The following SGCZ variants were observed in gnomAD, a reference collection of about 807,000 sequenced individuals.
SGCZ encodes the protein sarcoglycan zeta.
Under a neutral mutation model 41.3 loss-of-function variants are expected in SGCZ, and 40 were observed. The ratio of observed to expected loss-of-function variants is 0.97; its 90% CI spans 0.75 to 1.26. The LOEUF (loss-of-function observed/expected upper bound fraction) is 1.26. Ranked by LOEUF, SGCZ falls within the 50% of genes most tolerant of loss-of-function variation. The pLI, the probability that SGCZ is intolerant of heterozygous loss-of-function variation, is 0.00. For missense variants in SGCZ, 552 were observed against 369.8 expected (o/e 1.49, Z -4.04); for synonymous variants, 206 against 137.5 (o/e 1.50, Z -3.49).
At chr8:14,480,038 C>A (rs1394452675) in intron 2 of SGCZ, among the ~76,000 whole-genome samples, 3 of 152,240 alleles carry the variant, frequency 2.0e-5, no homozygotes, top group Non-Finnish European at 4.4e-5. Context: ...AGCCACGCGA[C>A]TGGCCAGCCA....
chr8:14,366,292 G>C lies in SGCZ; in HGVS notation c.235-42088C>G, dbSNP rs556841199. On this transcript the variant is annotated intron_variant, in intron 2 of 7. Transcript: ENST00000382080. ...ACTTACAATCAGAGCAGAAGGTGAA[G>C]CAGGAGCAAAGGCCCATCATACATG... Among the ~76,000 whole-genome samples, 21 of 152,256 alleles carry C rather than the reference G, an allele frequency of 1.4e-4. No individual in the cohort carries two copies. In the South Asian group the frequency reaches 4.4e-3, roughly 32 times the overall value.
chr8:14,397,198 A>T (rs1347939043), intron 2 of SGCZ, among the ~76,000 whole-genome samples: 1 of 152,108 alleles, frequency 6.6e-6, no homozygotes, highest in Non-Finnish European at 1.5e-5. Context: ...TTTATTCCTT[A>T]TTCTCTATTG....
chr8:14,649,055 C>A (rs567443171), intron 1 of SGCZ, among the ~76,000 whole-genome samples: 58 of 152,210 alleles, frequency 3.8e-4, no homozygotes, highest in Middle Eastern at 3.4e-3. Context: ...TCACGTGTTA[C>A]ATAAATCCTT....
rs182835667 is a variant in SGCZ at position 15,133,343 on chromosome 8, G to A, written c.39+104242C>T. Among the ~76,000 whole-genome samples, 21 of 152,182 alleles carry A rather than the reference G, an allele frequency of 1.4e-4. 1 individual carries two copies. The highest frequency in any genetic ancestry group is 7.4e-5 in the Non-Finnish European group (5 of 68,000). On this transcript the variant is annotated intron_variant, in intron 1 of 7. Coordinates refer to ENST00000382080, the MANE Select transcript of SGCZ (RefSeq NM_139167.4). ...TGTAAGTCAGTACTTGTTTTCATAA[G>A]TCCAAAAACTGCCCTCAAACATCAG...
chr8:15,205,464 A>C (rs1339805068), intron 1 of SGCZ, among the ~76,000 whole-genome samples: 1 of 152,198 alleles, frequency 6.6e-6, no homozygotes, highest in Non-Finnish European at 1.5e-5. Flanking sequence ...ACACCTACCA[A>C]AGGAAAACAT....
At chr8:14,481,191 A>G (rs1212910763) in intron 2 of SGCZ, among the ~76,000 whole-genome samples, 1 of 152,238 alleles carries the variant, frequency 6.6e-6, no homozygotes. Context: ...GTTAATTAAT[A>G]TATGATGCTT....
intron 1 of SGCZ, among the ~76,000 whole-genome samples, chr8:14,689,008 TA>T (rs900317555): frequency 3.9e-5 from 6 of 152,038 alleles, no homozygotes; most frequent in African/African-American, 1.2e-4. Context: ...AAAATATATT[TA>T]AAAAAAATTT....
At chr8:15,005,528 T>A (rs1308233646) in intron 1 of SGCZ, among the ~76,000 whole-genome samples, 1 of 150,726 alleles carries the variant, frequency 6.6e-6, no homozygotes, top group Non-Finnish European at 1.5e-5. Flanking sequence ...ATGGTGTTTC[T>A]CCATGTTCGT....
At chr8:14,386,175 G>A (rs940696608) in intron 2 of SGCZ, among the ~76,000 whole-genome samples, 12 of 152,054 alleles carry the variant, frequency 7.9e-5, no homozygotes, top group Admixed American at 7.9e-4. Flanking sequence ...TCAGGAAAGT[G>A]AAGGGAGAAC....
At chr8:14,915,473 C>G (rs1799405648) in intron 1 of SGCZ, among the ~76,000 whole-genome samples, 1 of 152,082 alleles carries the variant, frequency 6.6e-6, no homozygotes, top group Non-Finnish European at 1.5e-5. Flanking sequence ...AGCAAGCTCT[C>G]AGCTTGCACG....
At chr8:14,653,681 C>G (rs902658557) in intron 1 of SGCZ, among the ~76,000 whole-genome samples, 1 of 152,030 alleles carries the variant, frequency 6.6e-6, no homozygotes, top group African/African-American at 2.4e-5. Context: ...TTTCTCATTC[C>G]TGTCCCTGAA....
At chr8:14,811,806 T>C (rs777532844) in intron 1 of SGCZ, among the ~76,000 whole-genome samples, 11 of 152,032 alleles carry the variant, frequency 7.2e-5, no homozygotes, top group Non-Finnish European at 1.5e-4. Flanking sequence ...GCTATTCCAA[T>C]TCCCTTTCAG....
At chr8:14,245,672 G>C in intron 3 of SGCZ, among the ~76,000 whole-genome samples, 1 of 151,752 alleles carries the variant, frequency 6.6e-6, no homozygotes, top group Non-Finnish European at 1.5e-5. Context: ...CACAAAACGG[G>C]AGAAAATTTT....
intron 1 of SGCZ, among the ~76,000 whole-genome samples, chr8:14,796,793 C>A (rs1801146054): frequency 2.0e-5 from 3 of 152,210 alleles, no homozygotes; most frequent in African/African-American, 7.2e-5. Context: ...TGGTAGGGAC[C>A]ATGTGGGAGG....
chr8:14,553,288 C>T (rs1297092552), intron 2 of SGCZ, among the ~76,000 whole-genome samples: 3 of 151,988 alleles, frequency 2.0e-5, no homozygotes, highest in Non-Finnish European at 2.9e-5. Flanking sequence ...GATTCAGATG[C>T]ATTCCCAGAG....
At chr8:14,209,069 T>C (rs1156961820) in intron 4 of SGCZ, among the ~76,000 whole-genome samples, 3 of 152,192 alleles carry the variant, frequency 2.0e-5, no homozygotes, top group Non-Finnish European at 4.4e-5. Context: ...CGCCTCCATG[T>C]TCCCATCTCT....
chr8:15,201,629 A>C (rs12678763), intron 1 of SGCZ, among the ~76,000 whole-genome samples: 30,399 of 152,116 alleles, frequency 0.2, 3,544 homozygotes, highest in East Asian at 0.44. Flanking sequence ...GGTACCATTC[A>C]ATGGCTTGTG....
At chr8:14,202,615 C>T (rs1031492544) in intron 4 of SGCZ, among the ~76,000 whole-genome samples, 2 of 151,980 alleles carry the variant, frequency 1.3e-5, no homozygotes, top group African/African-American at 4.8e-5. Flanking sequence ...AGAATAAATG[C>T]AAATATTTGA....
chr8:14,717,518 G>T (rs563288365), intron 1 of SGCZ, among the ~76,000 whole-genome samples: 2 of 152,080 alleles, frequency 1.3e-5, no homozygotes, highest in African/African-American at 4.8e-5. Context: ...GTGACTCAAG[G>T]AGAGGAGAGT....
Sources: gnomAD v4.1 joint callset for allele counts (sites outside exome capture counted in the v4.1 genomes callset) on GRCh38, gnomAD v4.1.1 for gene constraint, MANE v1.5 for transcripts, NCBI Gene and HGNC (gene_info 2026-07-23, HGNC 2026-07-21) for gene names.